Variants in UBE4B observed in about 807,000 individuals in gnomAD.
UBE4B encodes the protein ubiquitination factor E4B.
UBE4B carries 27 observed loss-of-function variants against 148.1 expected under a neutral mutation model. The observed-to-expected ratio is 0.18, with a 90% confidence interval of 0.13 to 0.25. The LOEUF is 0.25. Among genes scored for constraint, UBE4B ranks in the 10% least tolerant of loss-of-function variants. UBE4B has a pLI of 1.00. For missense variants in UBE4B, 1,170 were observed against 1,662.4 expected (o/e 0.70, Z 5.15); for synonymous variants, 596 against 619.3 (o/e 0.96, Z 0.56).
At chr1:10,138,564 T>A (rs2101961315) in intron 17 of UBE4B, among the ~76,000 whole-genome samples, 1 of 152,318 alleles carries the variant, frequency 6.6e-6, no homozygotes, top group East Asian at 1.9e-4. Flanking sequence ...AATAGTTAAC[T>A]CTGCAAATTC....
rs565658596 is a variant in UBE4B, at chr1:10,128,609, G to A, written c.1639-783G>A. 4.6e-5 allele frequency: 7 copies of A among 152,362 alleles called. No individual in the cohort carries two copies. In the South Asian group the frequency reaches 6.2e-4, roughly 14 times the overall value. The allele number at this position is 152,362 out of a possible 1,614,324, so 9.4% of individuals were successfully genotyped here. A position where few individuals can be genotyped will look rare whatever the true frequency, so the allele number is the denominator to read the frequency against. ...CCATGTGATCCTAATATGCAGCCAC[G>A]TTTGTGAACTCCTGCACTAGGCAGT... On this transcript the variant is annotated intron_variant, in intron 11 of 27. Transcript: ENST00000343090.
intron 1 of UBE4B, among the ~76,000 whole-genome samples, chr1:10,040,299 G>A (rs1643704879): frequency 6.6e-6 from 1 of 151,816 alleles, no homozygotes; most frequent in Non-Finnish European, 1.5e-5. Context: ...TAGTAGAGAC[G>A]GTGTTTCACC....
intron 1 of UBE4B, among the ~76,000 whole-genome samples, chr1:10,061,066 G>T (rs890708653): frequency 7.5e-5 from 11 of 145,786 alleles, no homozygotes; most frequent in Admixed American, 2.1e-4. Flanking sequence ...TCTGTTTTCT[G>T]TTTTTTTTTT....
chr1:10,043,100 C>T (rs867125140), intron 1 of UBE4B, among the ~76,000 whole-genome samples: 1 of 151,576 alleles, frequency 6.6e-6, no homozygotes, highest in Non-Finnish European at 1.5e-5. Context: ...ACCTCCGCCT[C>T]GGGGGTTCAA....
intron 2 of UBE4B, among the ~76,000 whole-genome samples, chr1:10,074,539 A>G (rs1644546204): frequency 6.6e-6 from 1 of 151,930 alleles, no homozygotes; most frequent in Admixed American, 6.6e-5. Context: ...TTGCTGAATC[A>G]ACTGCAGTCA....
intron 2 of UBE4B, among the ~76,000 whole-genome samples, chr1:10,080,691 A>G (rs1644664170): frequency 6.6e-6 from 1 of 152,206 alleles, no homozygotes; most frequent in African/African-American, 2.4e-5. Context: ...GGGAAAAGAA[A>G]CTGTGGTATG....
Position 10,180,032 on chromosome 1 carries a change from C to T in UBE4B, c.*76C>T. 6.3e-7 allele frequency: 1 copy of T among 1,597,954 alleles called. No individual in the cohort carries two copies. The highest frequency in any genetic ancestry group is 8.6e-7 in the Non-Finnish European group (1 of 1,169,544). On this transcript the variant is annotated 3_prime_UTR_variant, in exon 28 of 28. Transcript: ENST00000343090. ...AGCAGAAGCAGCGGCCGCAGCGAAG[C>T]TGCCGTTCATGTGTTGGAGGCCAAA...
chr1:10,140,642 C>T (rs1229295286), intron 17 of UBE4B, among the ~76,000 whole-genome samples: 1 of 152,176 alleles, frequency 6.6e-6, no homozygotes, highest in African/African-American at 2.4e-5. Context: ...TTCAATGGAA[C>T]CATCTAGAAC....
chr1:10,178,040 C>A (rs1389072249), intron 25 of UBE4B, among the ~76,000 whole-genome samples: 2 of 152,106 alleles, frequency 1.3e-5, no homozygotes, highest in Non-Finnish European at 2.9e-5. Flanking sequence ...TAAATCGTGT[C>A]TGTTCCCAGG....
chr1:10,043,421 C>CTTTT (rs35513799), intron 1 of UBE4B, among the ~76,000 whole-genome samples: 103 of 110,864 alleles, frequency 9.3e-4, no homozygotes, highest in Admixed American at 1.1e-3. Context: ...TGAGATGCTG[C>CTTTT]TTTTTTTTTT....
At chr1:10,038,771 A>AT (rs1396378154) in intron 1 of UBE4B, among the ~76,000 whole-genome samples, 3 of 150,178 alleles carry the variant, frequency 2.0e-5, no homozygotes, top group East Asian at 1.9e-4. Flanking sequence ...CCCACTCCCA[A>AT]TTTTTTTTTT....
At chr1:10,066,571 C>T (rs1235162445) in intron 1 of UBE4B, among the ~76,000 whole-genome samples, 1 of 151,996 alleles carries the variant, frequency 6.6e-6, no homozygotes, top group African/African-American at 2.4e-5. Context: ...AAGTTTCAAA[C>T]ATGGCCAGCT....
intron 14 of UBE4B, 30 bp downstream of exon 14, chr1:10,130,843 A>T (rs926974436): frequency 1.3e-6 from 2 of 1,587,788 alleles, no homozygotes; most frequent in Admixed American, 3.3e-5. Context: ...ATCCAGAGGA[A>T]GTATCAAAGA....
chr1:10,082,352 T>G (rs527694940), intron 2 of UBE4B, among the ~76,000 whole-genome samples: 28 of 151,826 alleles, frequency 1.8e-4, no homozygotes, highest in Non-Finnish European at 3.1e-4. Context: ...AATACACAAA[T>G]TAGCCAGGCA....
At chr1:10,052,427 A>G (rs560232977) in intron 1 of UBE4B, among the ~76,000 whole-genome samples, 1 of 152,280 alleles carries the variant, frequency 6.6e-6, no homozygotes, top group Admixed American at 6.5e-5. Flanking sequence ...CACTGCTTTA[A>G]TGGACGTTTT....
intron 2 of UBE4B, among the ~76,000 whole-genome samples, chr1:10,077,389 G>A (rs936560825): frequency 6.6e-6 from 1 of 152,180 alleles, no homozygotes; most frequent in African/African-American, 2.4e-5. Context: ...CCGTAATTGA[G>A]TATGAGCTTA....
intron 12 of UBE4B, among the ~76,000 whole-genome samples, chr1:10,130,145 C>G (rs1645569251): frequency 6.6e-6 from 1 of 152,194 alleles, no homozygotes; most frequent in Admixed American, 6.5e-5. Context: ...GCAATCTCAG[C>G]TCACTGCAAC....
At chr1:10,146,818 A>G in intron 18 of UBE4B, 145 bp from the exon 19 acceptor site, 6 of 995,522 alleles carry the variant, frequency 6.0e-6, no homozygotes, top group Non-Finnish European at 8.7e-6. Context: ...AGACACAACC[A>G]GCATCTTATA....
intron 1 of UBE4B, among the ~76,000 whole-genome samples, chr1:10,034,422 G>A (rs1360264084): frequency 6.6e-6 from 1 of 151,938 alleles, no homozygotes; most frequent in Non-Finnish European, 1.5e-5. Flanking sequence ...TCTTAAAGGA[G>A]TTATACAGAT....
Sources: gnomAD v4.1 joint callset for allele counts (sites outside exome capture counted in the v4.1 genomes callset) on GRCh38, gnomAD v4.1.1 for gene constraint, MANE v1.5 for transcripts, NCBI Gene and HGNC (gene_info 2026-07-23, HGNC 2026-07-21) for gene names.